The following UGT1A3 variants were observed in gnomAD, a reference collection of about 807,000 sequenced individuals.
UGT1A3 encodes UDP-glucuronosyltransferase 1A3.
In UGT1A3, 31 loss-of-function variants were observed where a neutral mutation model predicts 41.0. The ratio of observed to expected loss-of-function variants is 0.76; its 90% CI spans 0.57 to 1.02. The LOEUF (loss-of-function observed/expected upper bound fraction) is 1.02, where lower values mean the gene tolerates loss of function less well. Ranked by LOEUF, UGT1A3 falls within the 50% of genes least tolerant of loss-of-function variation. The pLI, the probability that UGT1A3 is intolerant of heterozygous loss-of-function variation, is 0.00. For missense variants in UGT1A3, 737 were observed against 671.0 expected, an observed-to-expected ratio of 1.10 and a Z score of -1.09; for synonymous variants, 262 against 257.6, an observed-to-expected ratio of 1.02 and a Z score of -0.17.
At chr2:233,764,440 T>C (rs763083993) in intron 1 of UGT1A3, among the ~76,000 whole-genome samples, 3 of 152,220 alleles carry the variant, frequency 2.0e-5, no homozygotes, top group Non-Finnish European at 2.9e-5. Context: ...TGAACTTTTG[T>C]GCCATTTAAA....
At chr2:233,741,094 A>G (rs1452297102) in intron 1 of UGT1A3, among the ~76,000 whole-genome samples, 2 of 151,824 alleles carry the variant, frequency 1.3e-5, no homozygotes, top group Non-Finnish European at 2.9e-5. Flanking sequence ...CAAACAAGCA[A>G]ACAGACAATC....
intron 1 of UGT1A3, among the ~76,000 whole-genome samples, chr2:233,757,535 A>AATATATATACATATATATATATATATAT (rs376887521): frequency 7.9e-5 from 7 of 88,294 alleles, no homozygotes; most frequent in Non-Finnish European, 1.1e-4. Context: ...GCCTGTAAGG[A>AATATATATACATATATATATATATATAT]ATATATATAT....
chr2:233,739,074 T>A (rs1271021354), intron 1 of UGT1A3: 1 of 152,242 alleles, frequency 6.6e-6, no homozygotes, highest in Non-Finnish European at 1.5e-5. Flanking sequence ...GGTGCAAACC[T>A]CAAGCCTTGG....
chr2:233,733,103 T>G lies in UGT1A3; in HGVS notation c.867+3110T>G, dbSNP rs137950812. ...AATGGGAGTTCACTCATGGTTTGGC[T>G]CTGTTTGTCTGTTATTGGTGTATAG... On this transcript the variant is annotated intron_variant, in intron 1 of 4. Coordinates refer to ENST00000482026, the MANE Select transcript of UGT1A3 (RefSeq NM_019093.4). Among the ~76,000 whole-genome samples the G allele has an allele frequency of 9.9e-3, 1,505 of 152,334 alleles. 21 individuals are homozygous for G. Among genetic ancestry groups the G allele is most frequent in the African/African-American group, 0.035 (1,436 of 41,572 alleles).
chr2:233,743,601 C>T (rs201940151), intron 1 of UGT1A3: 28 of 1,367,176 alleles, frequency 2.0e-5, no homozygotes, highest in African/African-American at 4.5e-5. Context: ...GGGTCCTGGC[C>T]GCCGAAGAAC....
intron 2 of UGT1A3, 103 bp downstream of exon 2, chr2:233,767,268 G>C: frequency 6.3e-7 from 1 of 1,584,094 alleles, no homozygotes; most frequent in Non-Finnish European, 8.5e-7. Flanking sequence ...CCTTAGATTT[G>C]GCTTTTCCCT....
At chr2:233,753,608 G>C (rs980639486) in intron 1 of UGT1A3, 1 of 152,136 alleles carries the variant, frequency 6.6e-6, no homozygotes, top group Non-Finnish European at 1.5e-5. Flanking sequence ...TGCCCCAAAA[G>C]GTCTTCATTT....
intron 1 of UGT1A3, among the ~76,000 whole-genome samples, chr2:233,748,243 C>G (rs570859275): frequency 6.6e-6 from 1 of 151,666 alleles, no homozygotes; most frequent in Non-Finnish European, 1.5e-5. Context: ...TCTCTAGTAG[C>G]GTATTTCAGG....
intron 1 of UGT1A3, among the ~76,000 whole-genome samples, chr2:233,749,698 G>A (rs1694252344): frequency 6.6e-6 from 1 of 151,854 alleles, no homozygotes; most frequent in Non-Finnish European, 1.5e-5. Flanking sequence ...TCTGGTGGGA[G>A]GTGATTGGAT....
intron 1 of UGT1A3, among the ~76,000 whole-genome samples, chr2:233,759,580 A>G (rs1271749262): frequency 2.0e-5 from 3 of 151,416 alleles, no homozygotes; most frequent in Non-Finnish European, 2.9e-5. Flanking sequence ...TCTCTACCCC[A>G]GCACGCCCCC....
rs753373133 is a variant in UGT1A3, at chr2:233,768,431, T to C, written c.1299T>C (p.Asn433=). The change falls in exon 4 of 5, where the codon AAT becomes AAC. Residue 433 remains asparagine (N), a synonymous_variant. Coordinates refer to ENST00000482026, the MANE Select transcript of UGT1A3 (RefSeq NM_019093.4). ...AAAATGCTCTAAAAGCAGTCATCAA[T>C]GACAAAAGGTAAGAAAGAAGATACA... The part of the protein sequence containing the change: ...DLENALKAVI[N]DKSYKENIMR... 2 of 1,613,926 alleles carry C rather than the reference T, an allele frequency of 1.2e-6. No homozygotes were observed. The highest frequency in any genetic ancestry group is 1.7e-6 in the Non-Finnish European group (2 of 1,179,924).
intron 1 of UGT1A3, among the ~76,000 whole-genome samples, chr2:233,756,884 T>C (rs1289001884): frequency 6.6e-6 from 1 of 152,128 alleles, no homozygotes; most frequent in Non-Finnish European, 1.5e-5. Flanking sequence ...GTAATGAGGA[T>C]GTGTTATCTC....
intron 1 of UGT1A3, chr2:233,756,139 A>G (rs548564023): frequency 6.6e-6 from 1 of 152,240 alleles, no homozygotes; most frequent in Non-Finnish European, 1.5e-5. Flanking sequence ...CTGAAAAATT[A>G]CTGGGGATCC....
intron 1 of UGT1A3, among the ~76,000 whole-genome samples, chr2:233,751,630 A>C (rs1694768299): frequency 6.6e-6 from 1 of 152,142 alleles, no homozygotes; most frequent in Non-Finnish European, 1.5e-5. Context: ...TCATGTGTGC[A>C]GTTTCCCCCT....
At chr2:233,743,389 C>G (rs1429272187) in intron 1 of UGT1A3, 2 of 1,242,542 alleles carry the variant, frequency 1.6e-6, no homozygotes, top group Non-Finnish European at 2.1e-6. Context: ...GTAGGACATG[C>G]AGAAGGAAGA....
Position 233,772,612 on chromosome 2 carries a change from A to C in UGT1A3, c.*53A>C. ...TTGAACCATTCCCTAGTCATTTCCAAACTTGAAAACAGAATCAGTGTTAAA... is the reference window on the plus strand; with the variant it reads ...TTGAACCATTCCCTAGTCATTTCCACACTTGAAAACAGAATCAGTGTTAAA... On this transcript the variant is annotated 3_prime_UTR_variant, in exon 5 of 5. Coordinates refer to ENST00000482026, the MANE Select transcript of UGT1A3 (RefSeq NM_019093.4). The C allele has an allele frequency of 6.3e-7, 1 of 1,577,490 alleles. No homozygotes were observed. Among genetic ancestry groups the C allele is most frequent in the Non-Finnish European group, 8.6e-7 (1 of 1,160,700 alleles).
chr2:233,755,963 C>T (rs557149138), intron 1 of UGT1A3: 1 of 152,200 alleles, frequency 6.6e-6, no homozygotes, highest in South Asian at 2.1e-4. Flanking sequence ...GTACTTGGCT[C>T]TATAGAGAGG....
intron 1 of UGT1A3, chr2:233,760,234 A>C: frequency 1.8e-6 from 2 of 1,136,914 alleles, no homozygotes; most frequent in South Asian, 2.9e-5. Flanking sequence ...GGTTTTTGCC[A>C]TATATATATA....
intron 1 of UGT1A3, among the ~76,000 whole-genome samples, chr2:233,759,575 A>G (rs1346908637): frequency 6.6e-6 from 1 of 151,414 alleles, no homozygotes; most frequent in Admixed American, 6.6e-5. Context: ...GTCATTCTCT[A>G]CCCCAGCACG....
Sources: allele counts gnomAD v4.1 joint callset (sites outside exome capture counted in the v4.1 genomes callset), GRCh38; gene constraint gnomAD v4.1.1; transcripts MANE v1.5; gene names NCBI Gene and HGNC (gene_info 2026-07-23, HGNC 2026-07-21).